The following ADAMTS12 variants were observed in gnomAD, a reference collection of about 807,000 sequenced individuals.
The protein encoded by ADAMTS12 is ADAM metallopeptidase with thrombospondin type 1 motif 12.
ADAMTS12 carries 118 observed loss-of-function variants against 167.8 expected under a neutral mutation model. The ratio of observed to expected loss-of-function variants is 0.70; its 90% confidence interval spans 0.61 to 0.82. The LOEUF is 0.82. ADAMTS12 is among the 40% of genes least tolerant of loss of function. The pLI, the probability that ADAMTS12 is intolerant of heterozygous loss-of-function variation, is 0.00. For missense variants in ADAMTS12, 1,916 were observed against 1,998.8 expected (o/e 0.96, Z 0.79); for synonymous variants, 704 against 716.9 (o/e 0.98, Z 0.29).
chr5:33,693,975 C>T (rs773750373), intron 3 of ADAMTS12, among the ~76,000 whole-genome samples: 2 of 152,122 alleles, frequency 1.3e-5, no homozygotes, highest in East Asian at 3.9e-4. Context: ...GATACAAAAT[C>T]AATGTACAAA....
rs1248313707 is a variant in ADAMTS12, at chr5:33,717,305, G to C, written c.635-33250C>G. Among the ~76,000 whole-genome samples, 4 of 152,030 alleles carry C rather than the reference G, an allele frequency of 2.6e-5. No homozygotes were observed. The East Asian group carries it at 7.7e-4, about 29-fold the overall frequency. On this transcript the variant is annotated intron_variant, in intron 3 of 23. Transcript: ENST00000504830. ...CCCAAATTTCATCTAGTCTTCTAAG[G>C]GGAACCCAGAGTTGACTTTCCAGCC...
chr5:33,556,273 T>A (rs528161775), intron 20 of ADAMTS12, among the ~76,000 whole-genome samples: 2 of 152,330 alleles, frequency 1.3e-5, no homozygotes, highest in South Asian at 4.1e-4. Context: ...CAGATACATC[T>A]GATTCCAAGT....
chr5:33,879,128 C>A (rs1215323251), intron 2 of ADAMTS12, among the ~76,000 whole-genome samples: 2 of 152,060 alleles, frequency 1.3e-5, no homozygotes, highest in African/African-American at 4.8e-5. Flanking sequence ...ACATTTAAAG[C>A]CATTTAGCTG....
At position 33,625,478 on chromosome 5, in the gene ADAMTS12, C is replaced by A. The variant is rs190658833; in HGVS notation, c.2023-1127G>T. On this transcript the variant is annotated intron_variant, in intron 13 of 23. Transcript: ENST00000504830. ...ACATCTACAACCACATTCCCAGTGGCCTTCATTCCTTCACTGATTTAGAAT... is the reference window on the plus strand; with the variant it reads ...ACATCTACAACCACATTCCCAGTGGACTTCATTCCTTCACTGATTTAGAAT... Among the ~76,000 whole-genome samples the A allele has an allele frequency of 7.2e-5, 11 of 152,270 alleles. No homozygotes were observed. The East Asian group carries it at 1.9e-3, about 27-fold the overall frequency.
chr5:33,591,722 A>C (rs1169356403), intron 17 of ADAMTS12, among the ~76,000 whole-genome samples: 1 of 151,976 alleles, frequency 6.6e-6, no homozygotes, highest in East Asian at 1.9e-4. Context: ...TTTCATTTCG[A>C]TCAGAAGGTC....
intron 1 of ADAMTS12, among the ~76,000 whole-genome samples, chr5:33,881,725 G>A (rs1186897829): frequency 7.0e-6 from 1 of 143,114 alleles, no homozygotes; most frequent in Non-Finnish European, 1.5e-5. Context: ...ACAACACCTG[G>A]CTAATTTTGT....
intron 3 of ADAMTS12, among the ~76,000 whole-genome samples, chr5:33,743,007 T>G (rs980744143): frequency 1.3e-5 from 2 of 152,350 alleles, no homozygotes; most frequent in East Asian, 3.9e-4. Context: ...AAAAGCTATC[T>G]TAAACAGTGG....
chr5:33,635,947 C>T (rs1411748784), intron 12 of ADAMTS12, among the ~76,000 whole-genome samples: 1 of 152,170 alleles, frequency 6.6e-6, no homozygotes, highest in Non-Finnish European at 1.5e-5. Flanking sequence ...GGAGTAAGGT[C>T]AGCAGGTGGC....
chr5:33,746,957 T>A lies in ADAMTS12; in HGVS notation c.634+4447A>T, dbSNP rs530980195. Among the ~76,000 whole-genome samples, 4 of 152,340 alleles carry A rather than the reference T, an allele frequency of 2.6e-5. No homozygotes were observed. The East Asian group carries it at 7.7e-4, about 29-fold the overall frequency. ...CCCTTTTGGATGGCCTGCCCATGAA[T>A]TTGGGACTTGCCTAGCCAGCCCCCA... On this transcript the variant is annotated intron_variant, in intron 3 of 23. Transcript: ENST00000504830.
intron 3 of ADAMTS12, among the ~76,000 whole-genome samples, chr5:33,696,371 A>C (rs2112287636): frequency 6.6e-6 from 1 of 150,478 alleles, no homozygotes; most frequent in Middle Eastern, 3.4e-3. Flanking sequence ...CAGTGAGCCG[A>C]GATCGCGCCA....
intron 5 of ADAMTS12, among the ~76,000 whole-genome samples, chr5:33,672,216 CAT>C (rs1245517327): frequency 1.3e-5 from 2 of 149,646 alleles, no homozygotes; most frequent in Admixed American, 6.7e-5. Flanking sequence ...CCCCCACATA[CAT>C]ACACACAGAT....
intron 2 of ADAMTS12, among the ~76,000 whole-genome samples, chr5:33,864,851 C>T (rs1446334237): frequency 6.6e-6 from 1 of 151,906 alleles, no homozygotes; most frequent in Non-Finnish European, 1.5e-5. Context: ...GGTTAGGGGG[C>T]TAGGGAAGGG....
chr5:33,748,437 C>T (rs1014525), intron 3 of ADAMTS12, among the ~76,000 whole-genome samples: 112,359 of 152,008 alleles, frequency 0.74, 41,653 homozygotes, highest in Non-Finnish European at 0.75. Context: ...CTTAAGAAAA[C>T]ATAGTTAAAA....
At chr5:33,809,708 G>C (rs1747376921) in intron 2 of ADAMTS12, among the ~76,000 whole-genome samples, 2 of 152,072 alleles carry the variant, frequency 1.3e-5, no homozygotes, top group Admixed American at 1.3e-4. Context: ...AAGAGGTAAG[G>C]GGTTCTAGGG....
intron 2 of ADAMTS12, among the ~76,000 whole-genome samples, chr5:33,776,259 A>G (rs1745907789): frequency 6.6e-6 from 1 of 152,218 alleles, no homozygotes; most frequent in Non-Finnish European, 1.5e-5. Flanking sequence ...ATCCAACAGC[A>G]GCAAAATATA....
intron 3 of ADAMTS12, among the ~76,000 whole-genome samples, chr5:33,727,202 T>C (rs1579879351): frequency 6.6e-6 from 1 of 152,290 alleles, no homozygotes; most frequent in South Asian, 2.1e-4. Flanking sequence ...TGGCTGCCGC[T>C]GGACCTGTGT....
At chr5:33,788,533 C>G (rs1345575726) in intron 2 of ADAMTS12, among the ~76,000 whole-genome samples, 2 of 152,102 alleles carry the variant, frequency 1.3e-5, no homozygotes, top group African/African-American at 4.8e-5. Flanking sequence ...TTGTCTTTCT[C>G]TTCTTGATAG....
At chr5:33,699,421 A>G (rs1742913478) in intron 3 of ADAMTS12, among the ~76,000 whole-genome samples, 1 of 152,044 alleles carries the variant, frequency 6.6e-6, no homozygotes, top group South Asian at 2.1e-4. Flanking sequence ...TTAACTCAAA[A>G]TGGATTATGG....
At chr5:33,840,095 C>T (rs1748693160) in intron 2 of ADAMTS12, 1 of 152,214 alleles carries the variant, frequency 6.6e-6, no homozygotes, top group Non-Finnish European at 1.5e-5. Flanking sequence ...TGCAGAAAGA[C>T]ACCAAATCTC....
Sources: gnomAD v4.1 joint callset for allele counts (sites outside exome capture counted in the v4.1 genomes callset) on GRCh38, gnomAD v4.1.1 for gene constraint, MANE v1.5 for transcripts, NCBI Gene and HGNC (gene_info 2026-07-23, HGNC 2026-07-21) for gene names.